DENND1A: variants seen among roughly 807,000 people sequenced by gnomAD.
DENND1A encodes DENN domain-containing protein 1A.
DENND1A carries 51 observed loss-of-function variants against 113.7 expected under a neutral mutation model. That is an observed-to-expected ratio of 0.45 (90% CI 0.36 to 0.57). The LOEUF is 0.57. Among genes scored for constraint, DENND1A ranks in the 20% least tolerant of loss-of-function variants. The pLI is 0.00. For synonymous variants in DENND1A, 565 were observed against 570.8 expected (o/e 0.99, Z 0.14); for missense variants, 1,258 against 1,395.9 (o/e 0.90, Z 1.57).
At chr9:123,710,134 C>T (rs1027950070) in intron 5 of DENND1A, among the ~76,000 whole-genome samples, 2 of 152,152 alleles carry the variant, frequency 1.3e-5, no homozygotes, top group Non-Finnish European at 2.9e-5. Context: ...CTAAGAACTA[C>T]GAAAGCACTT....
Position 123,807,989 on chromosome 9 carries a change from G to A in DENND1A, c.89-15359C>T, listed in dbSNP as rs563856860. On this transcript the variant is annotated intron_variant, in intron 2 of 23. Transcript: ENST00000394215. ...ACCTGCAAGCCCAGCACTTTGGGAGGCCAAGGCAGGAGGATCCCTTGAGGT... is the reference window on the plus strand; with the variant it reads ...ACCTGCAAGCCCAGCACTTTGGGAGACCAAGGCAGGAGGATCCCTTGAGGT... Among the ~76,000 whole-genome samples the A allele has an allele frequency of 2.6e-4, 39 of 152,210 alleles. 1 individual carries two copies. The highest frequency in any genetic ancestry group is 1.4e-3 in the Admixed American group (22 of 15,286).
At chr9:123,418,046 G>A (rs190846632) in intron 19 of DENND1A, among the ~76,000 whole-genome samples, 27 of 152,254 alleles carry the variant, frequency 1.8e-4, no homozygotes, top group Middle Eastern at 3.4e-3. Context: ...GAGAATTTGC[G>A]GATTTTCTTC....
At chr9:123,393,667 G>A (rs986661444) in intron 21 of DENND1A, among the ~76,000 whole-genome samples, 1 of 152,214 alleles carries the variant, frequency 6.6e-6, no homozygotes, top group Non-Finnish European at 1.5e-5. Context: ...CCAGGATAAG[G>A]GCTAGGACTG....
At chr9:123,586,838 C>T (rs1314881368) in intron 11 of DENND1A, among the ~76,000 whole-genome samples, 3 of 152,094 alleles carry the variant, frequency 2.0e-5, no homozygotes, top group Admixed American at 6.6e-5. Flanking sequence ...ACCATGCCAT[C>T]AGTCAGGGAC....
intron 8 of DENND1A, among the ~76,000 whole-genome samples, chr9:123,666,198 TTTATG>T (rs1441893661): frequency 6.6e-6 from 1 of 152,170 alleles, no homozygotes; most frequent in Non-Finnish European, 1.5e-5. Context: ...CATGGTAAAT[TTTATG>T]TTATGTATTT....
chr9:123,721,572 C>T (rs1287825632), intron 5 of DENND1A, among the ~76,000 whole-genome samples: 1 of 152,192 alleles, frequency 6.6e-6, no homozygotes, highest in Non-Finnish European at 1.5e-5. Flanking sequence ...ATTTTAACTC[C>T]CACAATTCCC....
chr9:123,574,204 T>C (rs1377400744), intron 12 of DENND1A, among the ~76,000 whole-genome samples: 1 of 150,528 alleles, frequency 6.6e-6, no homozygotes. Context: ...TTGTAAATTA[T>C]TTATCTGGTT....
chr9:123,397,393 G>A (rs2043189222), intron 21 of DENND1A, among the ~76,000 whole-genome samples: 1 of 152,186 alleles, frequency 6.6e-6, no homozygotes, highest in African/African-American at 2.4e-5. Context: ...GACCTCAAGT[G>A]ATCCACCCAC....
intron 13 of DENND1A, among the ~76,000 whole-genome samples, chr9:123,497,975 G>C (rs2052097755): frequency 6.6e-6 from 1 of 152,206 alleles, no homozygotes; most frequent in South Asian, 2.1e-4. Flanking sequence ...TAATTACTGT[G>C]CAAGGAGCCT....
At position 123,454,779 on chromosome 9, in the gene DENND1A, C is replaced by A; in HGVS notation, c.1187G>T (p.Gly396Val). The A allele has an allele frequency of 1.3e-6, 2 of 1,554,906 alleles. No homozygotes were observed. Among genetic ancestry groups the A allele is most frequent in the Non-Finnish European group, 1.7e-6 (2 of 1,148,488 alleles). ...EEEINMGEYA[G>V]SDKLYHQWLS... ...CCACTGATGGTACAGTTTGTCACTG[C>A]CTGGGGAAAGAGAATTCAGAGAAGC... is the stretch of plus-strand genomic sequence containing the variant. Residue 396 changes from glycine (G) to valine (V), a missense_variant and splice_region_variant, in exon 16 of 24, where the codon GGC becomes GTC. Physicochemically the swap from Gly to Val is moderately radical, Grantham distance 109. Around this residue, in one of 2 missense-constraint regions of DENND1A, gnomAD observed 1,159 missense variants for 1,231.7 expected, o/e 0.94. Transcript: ENST00000394215.
intron 19 of DENND1A, among the ~76,000 whole-genome samples, chr9:123,412,427 G>T (rs1360536097): frequency 6.6e-6 from 1 of 152,174 alleles, no homozygotes; most frequent in Non-Finnish European, 1.5e-5. Context: ...CTGCTATGTG[G>T]GACTCAGCGT....
intron 13 of DENND1A, among the ~76,000 whole-genome samples, chr9:123,522,882 C>T (rs2135078350): frequency 6.6e-6 from 1 of 152,310 alleles, no homozygotes. Context: ...AGCAGATTTG[C>T]TTTTGATAAG....
At chr9:123,588,239 C>T (rs1345379770) in intron 11 of DENND1A, among the ~76,000 whole-genome samples, 1 of 141,174 alleles carries the variant, frequency 7.1e-6, no homozygotes, top group Admixed American at 7.5e-5. Context: ...TCAGCCATTG[C>T]ACTCCAGCAC....
intron 21 of DENND1A, among the ~76,000 whole-genome samples, chr9:123,398,279 C>G (rs948665284): frequency 6.6e-6 from 1 of 152,260 alleles, no homozygotes; most frequent in Non-Finnish European, 1.5e-5. Context: ...TCACTCCCTG[C>G]CTTGGCCTTA....
intron 10 of DENND1A, among the ~76,000 whole-genome samples, chr9:123,621,367 A>G (rs1324262309): frequency 6.6e-6 from 1 of 151,828 alleles, no homozygotes; most frequent in Non-Finnish European, 1.5e-5. Flanking sequence ...TTCTATTTTT[A>G]GTAGAGATGG....
At chr9:123,924,836 T>C (rs1856829226) in intron 1 of DENND1A, among the ~76,000 whole-genome samples, 1 of 152,164 alleles carries the variant, frequency 6.6e-6, no homozygotes, top group African/African-American at 2.4e-5. Context: ...TCAAACCCAC[T>C]GGCCTTCTGT....
chr9:123,473,634 C>A (rs2049634010), intron 13 of DENND1A, among the ~76,000 whole-genome samples: 1 of 152,192 alleles, frequency 6.6e-6, no homozygotes. Context: ...CCACCCGTTC[C>A]TCTTGTGTAG....
At chr9:123,652,312 C>A in intron 8 of DENND1A, 189 bp from the exon 9 acceptor site, 1 of 530,592 alleles carries the variant, frequency 1.9e-6, no homozygotes, top group Non-Finnish European at 3.4e-6. Context: ...TTGGAAGACA[C>A]CTTACAGAGG....
intron 12 of DENND1A, among the ~76,000 whole-genome samples, chr9:123,574,750 T>C (rs532788441): frequency 1.2e-4 from 19 of 152,282 alleles, no homozygotes; most frequent in African/African-American, 4.3e-4. Context: ...AGCTATGGCT[T>C]TGGGCTGCTA....
Sources: gnomAD v4.1 joint callset for allele counts (sites outside exome capture counted in the v4.1 genomes callset) on GRCh38, gnomAD v4.1.1 for gene constraint, gnomAD v4.1.1 regional missense constraint, MANE v1.5 for transcripts, NCBI Gene and HGNC (gene_info 2026-07-23, HGNC 2026-07-21) for gene names.